ST6GALNAC3: variants seen among roughly 807,000 people sequenced by gnomAD.
ST6GALNAC3 encodes the protein ST6 N-acetylgalactosaminide alpha-2,6-sialyltransferase 3, also known as alpha-N-acetylgalactosaminide alpha-2,6-sialyltransferase 3.
ST6GALNAC3 carries 25 observed loss-of-function variants against 32.7 expected under a neutral mutation model. That is an observed-to-expected ratio of 0.76 (90% CI 0.56 to 1.07). The LOEUF (loss-of-function observed/expected upper bound fraction) is 1.07. Ranked by LOEUF, ST6GALNAC3 falls within the 50% of genes least tolerant of loss-of-function variation. ST6GALNAC3 has a pLI of 0.00. For missense variants in ST6GALNAC3, 355 were observed against 382.4 expected (o/e 0.93, Z 0.60); for synonymous variants, 129 against 133.1 (o/e 0.97, Z 0.21).
intron 3 of ST6GALNAC3, among the ~76,000 whole-genome samples, chr1:76,604,122 A>T (rs915463683): frequency 2.0e-5 from 3 of 152,204 alleles, no homozygotes; most frequent in Non-Finnish European, 4.4e-5. Flanking sequence ...TGGGAAAAAA[A>T]ATAAAGTTAG....
chr1:76,300,792 T>A (rs758322822), intron 1 of ST6GALNAC3, among the ~76,000 whole-genome samples: 15 of 152,080 alleles, frequency 9.9e-5, no homozygotes, highest in Middle Eastern at 3.4e-3. Context: ...GTAATCACGA[T>A]TGCTACAGGA....
At chr1:76,508,197 A>C (rs890714772) in intron 3 of ST6GALNAC3, among the ~76,000 whole-genome samples, 15 of 152,178 alleles carry the variant, frequency 9.9e-5, no homozygotes, top group African/African-American at 3.6e-4. Flanking sequence ...TTAGATTCTC[A>C]TAAGGAGTGC....
intron 3 of ST6GALNAC3, among the ~76,000 whole-genome samples, chr1:76,626,204 G>C (rs1648958135): frequency 6.6e-6 from 1 of 151,844 alleles, no homozygotes; most frequent in Non-Finnish European, 1.5e-5. Flanking sequence ...AGCAAGTACT[G>C]GCTGGAGGGC....
chr1:76,390,665 C>T (rs1242199505), intron 2 of ST6GALNAC3, among the ~76,000 whole-genome samples: 2 of 152,096 alleles, frequency 1.3e-5, no homozygotes, highest in East Asian at 3.9e-4. Flanking sequence ...CAGAGCTTGC[C>T]AGCCCCAAAC....
intron 1 of ST6GALNAC3, among the ~76,000 whole-genome samples, chr1:76,108,179 A>G (rs538854278): frequency 7.4e-4 from 113 of 152,300 alleles, no homozygotes; most frequent in South Asian, 6.0e-3. Flanking sequence ...TTGATCTGGA[A>G]GGTCAAGCCT....
intron 2 of ST6GALNAC3, among the ~76,000 whole-genome samples, chr1:76,342,712 CTT>C (rs1366951895): frequency 8.6e-5 from 13 of 151,950 alleles, no homozygotes; most frequent in Admixed American, 8.5e-4. Context: ...TAAGCTTTCC[CTT>C]TTCTCTGCAA....
intron 3 of ST6GALNAC3, among the ~76,000 whole-genome samples, chr1:76,567,439 A>C (rs931542458): frequency 6.6e-6 from 1 of 152,198 alleles, no homozygotes; most frequent in African/African-American, 2.4e-5. Context: ...TTACTGGAAA[A>C]ACTTAAGCAA....
intron 2 of ST6GALNAC3, among the ~76,000 whole-genome samples, chr1:76,382,764 A>G (rs1651811700): frequency 6.6e-6 from 1 of 152,214 alleles, no homozygotes; most frequent in Admixed American, 6.5e-5. Context: ...AATCACGACT[A>G]GTTTCAGAAA....
intron 1 of ST6GALNAC3, among the ~76,000 whole-genome samples, chr1:76,179,455 C>A (rs552496296): frequency 6.6e-6 from 1 of 152,280 alleles, no homozygotes; most frequent in African/African-American, 2.4e-5. Context: ...TCTGTGTCAC[C>A]ACCATGTGTG....
At chr1:76,439,149 A>G (rs1288066666) in intron 3 of ST6GALNAC3, among the ~76,000 whole-genome samples, 3 of 152,172 alleles carry the variant, frequency 2.0e-5, no homozygotes, top group Non-Finnish European at 4.4e-5. Flanking sequence ...AGATTTTTCC[A>G]TGATAATGTG....
At chr1:76,424,112 G>A (rs564226910) in intron 3 of ST6GALNAC3, among the ~76,000 whole-genome samples, 1 of 152,070 alleles carries the variant, frequency 6.6e-6, no homozygotes, top group South Asian at 2.1e-4. Context: ...CTTAACCTGT[G>A]AGTTCATAGC....
chr1:76,288,597 G>A (rs1366248357), intron 1 of ST6GALNAC3, among the ~76,000 whole-genome samples: 1 of 152,230 alleles, frequency 6.6e-6, no homozygotes, highest in Non-Finnish European at 1.5e-5. Flanking sequence ...TGCTGTGGAA[G>A]CTCAGATGAG....
At chr1:76,586,960 A>G (rs1297469951) in intron 3 of ST6GALNAC3, among the ~76,000 whole-genome samples, 2 of 152,168 alleles carry the variant, frequency 1.3e-5, no homozygotes, top group East Asian at 3.9e-4. Flanking sequence ...TCTGAAAACT[A>G]ATAGAATTTT....
intron 2 of ST6GALNAC3, among the ~76,000 whole-genome samples, chr1:76,361,989 A>AAAT (rs1553184753): frequency 0.014 from 2,095 of 148,028 alleles, 31 homozygotes; most frequent in African/African-American, 0.03. Flanking sequence ...AAAAAAAAAA[A>AAAT]AAAAGAGAGA....
chr1:76,400,762 C>T (rs1233324821), intron 2 of ST6GALNAC3, among the ~76,000 whole-genome samples: 1 of 151,858 alleles, frequency 6.6e-6, no homozygotes, highest in East Asian at 1.9e-4. Flanking sequence ...TGGTGGGCAC[C>T]TACAATTCCA....
chr1:76,631,676 T>G lies in ST6GALNAC3; in HGVS notation c.*2870T>G, dbSNP rs1649306445. 6.6e-6 allele frequency: 1 copy of G among 152,070 alleles called. No homozygotes were observed. Among genetic ancestry groups the G allele is most frequent in the Admixed American group, 6.6e-5 (1 of 15,252 alleles). The allele number at this position is 152,070 out of a possible 1,614,324, so 9.4% of individuals were successfully genotyped here. On this transcript the variant is annotated 3_prime_UTR_variant, in exon 5 of 5. Transcript: ENST00000328299. ...ACTGATGTGTATTTATCCCAGAAATTAATTAATATCTGTGAAAAATAAAAA... is the reference window on the plus strand; with the variant it reads ...ACTGATGTGTATTTATCCCAGAAATGAATTAATATCTGTGAAAAATAAAAA...
intron 1 of ST6GALNAC3, among the ~76,000 whole-genome samples, chr1:76,116,685 C>A (rs900784909): frequency 6.6e-6 from 1 of 152,094 alleles, no homozygotes; most frequent in Non-Finnish European, 1.5e-5. Context: ...AATCCCAGAA[C>A]TTTGGGAGGC....
At chr1:76,416,414 A>G (rs925718236) in intron 3 of ST6GALNAC3, among the ~76,000 whole-genome samples, 1 of 152,124 alleles carries the variant, frequency 6.6e-6, no homozygotes, top group African/African-American at 2.4e-5. Flanking sequence ...TAACAGAGAG[A>G]CAATGTCATC....
At chr1:76,563,465 T>C (rs1168028766) in intron 3 of ST6GALNAC3, among the ~76,000 whole-genome samples, 1 of 152,160 alleles carries the variant, frequency 6.6e-6, no homozygotes, top group Non-Finnish European at 1.5e-5. Flanking sequence ...TTTTCACCCA[T>C]ACAATTTTTG....
Sources: gnomAD v4.1 joint callset for allele counts (sites outside exome capture counted in the v4.1 genomes callset) on GRCh38, gnomAD v4.1.1 for gene constraint, MANE v1.5 for transcripts, NCBI Gene and HGNC (gene_info 2026-07-23, HGNC 2026-07-21) for gene names.